Variants in QKI observed in about 807,000 individuals in gnomAD.
The protein encoded by QKI is KH domain-containing RNA-binding protein QKI.
In QKI, 10 loss-of-function variants were observed where a neutral mutation model predicts 39.0. That is an observed-to-expected ratio of 0.26 (90% CI 0.16 to 0.43). QKI has a LOEUF of 0.43. Among genes scored for constraint, QKI ranks in the 20% least tolerant of loss-of-function variants. The pLI is 1.00. For synonymous variants in QKI, 204 were observed against 155.4 expected (o/e 1.31, Z -2.33); for missense variants, 218 against 428.0 (o/e 0.51, Z 4.33).
chr6:163,565,900 G>GTCTTCATC (rs1783335608), intron 6 of QKI: 1 of 1,612,220 alleles, frequency 6.2e-7, no homozygotes, highest in Middle Eastern at 1.7e-4. Context: ...TTAGCATCAA[G>GTCTTCATC]TCTTCATTGA....
intron 2 of QKI, among the ~76,000 whole-genome samples, chr6:163,472,361 A>G (rs1792269760): frequency 6.6e-6 from 1 of 152,112 alleles, no homozygotes; most frequent in Admixed American, 6.5e-5. Context: ...AGGAAGATTC[A>G]GGTTTGGTCT....
At chr6:163,517,035 G>GACACACAC (rs111701494) in intron 3 of QKI, among the ~76,000 whole-genome samples, 3 of 145,630 alleles carry the variant, frequency 2.1e-5, no homozygotes, top group Non-Finnish European at 4.5e-5. Flanking sequence ...AGCAGTAGGG[G>GACACACAC]ACACACACAC....
intron 2 of QKI, among the ~76,000 whole-genome samples, chr6:163,463,988 C>T (rs933267229): frequency 1.3e-4 from 20 of 152,268 alleles, no homozygotes; most frequent in African/African-American, 4.8e-4. Flanking sequence ...AGCTCCCCCT[C>T]ATCCCACAAT....
chr6:163,479,587 G>A (rs919027432), intron 3 of QKI, among the ~76,000 whole-genome samples: 13 of 152,180 alleles, frequency 8.5e-5, no homozygotes, highest in Non-Finnish European at 1.5e-4. Context: ...GGTCAGTCTG[G>A]TCTCGAACTC....
At chr6:163,568,791 C>A in intron 7 of QKI, 1 of 984,958 alleles carries the variant, frequency 1.0e-6, no homozygotes, top group Non-Finnish European at 1.2e-6. Flanking sequence ...AGTAAACTCA[C>A]CTCTTTATAT....
intron 2 of QKI, among the ~76,000 whole-genome samples, chr6:163,468,279 G>A (rs1791927333): frequency 6.6e-6 from 1 of 152,044 alleles, no homozygotes; most frequent in South Asian, 2.1e-4. Flanking sequence ...TTATCAATCT[G>A]TTGTGCAAAA....
At chr6:163,548,420 A>G (rs1318375479) in intron 4 of QKI, among the ~76,000 whole-genome samples, 1 of 152,124 alleles carries the variant, frequency 6.6e-6, no homozygotes, top group Admixed American at 6.5e-5. Flanking sequence ...TTTTTGCCTC[A>G]TTTTTTAAAT....
intron 1 of QKI, among the ~76,000 whole-genome samples, chr6:163,431,330 G>A (rs922389367): frequency 2.6e-5 from 4 of 152,078 alleles, no homozygotes; most frequent in Non-Finnish European, 5.9e-5. Context: ...AAATGCATTT[G>A]TTATTTAAAT....
At position 163,415,279 on chromosome 6, in the gene QKI, G is replaced by C; in HGVS notation, c.86G>C (p.Ser29Thr). Reference protein sequence around the residue: ...MQLMNDKKLMSSLPNFCGIFN... With the variant: ...MQLMNDKKLMTSLPNFCGIFN... The stretch of plus-strand genomic sequence containing the variant: ...CTGATGAACGACAAGAAGCTCATGA[G>C]CAGCCTGCCCAACTTCTGCGGGATC... The change falls in exon 1 of 8, where the codon AGC becomes ACC. Residue 29 changes from serine (S) to threonine (T), a missense_variant. Ser to Thr is a moderately conservative substitution (Grantham distance 58). Transcript: ENST00000361752. 1.3e-6 allele frequency: 2 copies of C among 1,595,682 alleles called. No individual in the cohort carries two copies. Among genetic ancestry groups the C allele is most frequent in the Non-Finnish European group, 1.7e-6 (2 of 1,168,380 alleles).
intron 3 of QKI, among the ~76,000 whole-genome samples, chr6:163,485,444 C>A (rs1030309708): frequency 4.6e-5 from 7 of 152,136 alleles, no homozygotes; most frequent in Admixed American, 3.9e-4. Context: ...AGGTACTTGG[C>A]AAATTGTTGT....
At chr6:163,561,721 T>C (rs1316790273) in intron 4 of QKI, among the ~76,000 whole-genome samples, 1 of 152,232 alleles carries the variant, frequency 6.6e-6, no homozygotes, top group Non-Finnish European at 1.5e-5. Context: ...GTAAAGCTTT[T>C]TAGGGGAACT....
chr6:163,550,939 T>C (rs1782195025), intron 4 of QKI, among the ~76,000 whole-genome samples: 2 of 96,392 alleles, frequency 2.1e-5, no homozygotes, highest in African/African-American at 9.5e-5. Context: ...AGAGCAAGAC[T>C]CTGTCTCACA....
chr6:163,474,103 T>C lies in QKI; in HGVS notation c.286-4677T>C, dbSNP rs78158376. On this transcript the variant is annotated intron_variant, in intron 2 of 7. Coordinates refer to ENST00000361752, the MANE Select transcript of QKI (RefSeq NM_006775.3). ...TAAGGAGAAATGTTGTTTTAATAGA[T>C]AGTGAAAAATGATAAATTTAGATAT... Among the ~76,000 whole-genome samples, 101 of 152,296 alleles carry C rather than the reference T, an allele frequency of 6.6e-4. 2 individuals carry two copies. The East Asian group carries it at 0.019, about 28-fold the overall frequency.
intron 2 of QKI, among the ~76,000 whole-genome samples, chr6:163,466,503 A>G (rs961795463): frequency 2.6e-5 from 4 of 152,192 alleles, no homozygotes; most frequent in East Asian, 3.9e-4. Context: ...TATTAAAACA[A>G]TTTGCTTCTG....
chr6:163,492,767 T>C (rs377405230), intron 3 of QKI, among the ~76,000 whole-genome samples: 6 of 152,158 alleles, frequency 3.9e-5, no homozygotes, highest in African/African-American at 1.4e-4. Context: ...TATTGAATAA[T>C]AGACAAGTGA....
At chr6:163,503,631 A>T (rs1200563644) in intron 3 of QKI, among the ~76,000 whole-genome samples, 1 of 152,072 alleles carries the variant, frequency 6.6e-6, no homozygotes, top group Non-Finnish European at 1.5e-5. Context: ...TTTAGTTATA[A>T]ATTCTTTCCC....
chr6:163,494,284 G>A (rs1562485891), intron 3 of QKI, among the ~76,000 whole-genome samples: 2 of 152,230 alleles, frequency 1.3e-5, no homozygotes, highest in African/African-American at 2.4e-5. Context: ...TGAGTTCTGT[G>A]CAAATACTGT....
chr6:163,480,692 G>T (rs2128225963), intron 3 of QKI, among the ~76,000 whole-genome samples: 1 of 152,220 alleles, frequency 6.6e-6, no homozygotes, highest in Admixed American at 6.5e-5. Context: ...TGCATATTTT[G>T]AATCAGTTGA....
At chr6:163,416,503 A>G (rs932830027) in intron 1 of QKI, 3 of 152,308 alleles carry the variant, frequency 2.0e-5, no homozygotes, top group African/African-American at 7.2e-5. Flanking sequence ...GAGATGAACA[A>G]TGGAGTTTAG....
Sources: allele counts gnomAD v4.1 joint callset (sites outside exome capture counted in the v4.1 genomes callset), GRCh38; gene constraint gnomAD v4.1.1; transcripts MANE v1.5; gene names NCBI Gene and HGNC (gene_info 2026-07-23, HGNC 2026-07-21).